Variants in BRD4 observed in about 807,000 individuals in gnomAD.
The protein encoded by BRD4 is bromodomain containing 4, also known as bromodomain-containing protein 4.
BRD4 carries 16 observed loss-of-function variants against 142.1 expected under a neutral mutation model. That is an observed-to-expected ratio of 0.11 (90% CI 0.08 to 0.17). The LOEUF is 0.17. Among genes scored for constraint, BRD4 ranks in the 10% least tolerant of loss-of-function variants. The pLI, the probability that BRD4 is intolerant of heterozygous loss-of-function variation, is 1.00. For missense variants in BRD4, 1,424 were observed against 1,810.9 expected (o/e 0.79, Z 3.88); for synonymous variants, 833 against 707.5 (o/e 1.18, Z -2.82).
chr19:15,243,182 G>A lies in BRD4; in HGVS notation c.2887C>T (p.His963Tyr). 2.8e-6 allele frequency: 3 copies of A among 1,086,876 alleles called. No homozygotes were observed. The highest frequency in any genetic ancestry group is 3.8e-6 in the Non-Finnish European group (3 of 791,570). The allele number at this position is 1,086,876 out of a possible 1,614,324, so 67.3% of individuals were successfully genotyped here. A position where few individuals can be genotyped will look rare whatever the true frequency, so the allele number is the denominator to read the frequency against. Residue 963 changes from histidine to tyrosine, a missense_variant, in exon 14 of 20, where the codon CAC (histidine) becomes TAC (tyrosine). By Grantham distance (83) the His-to-Tyr change is moderately conservative (BLOSUM62 2). Transcript: ENST00000679869. ...QPPPPLPPPP[H>Y]PSVQQQLQQQ... is the part of the protein sequence containing the mutation. ...TGCAGCTGCTGCTGCACAGAGGGGTGGGGTGGGGGCGGCAGGGGGGGTGGG... is the reference window on the plus strand; with the variant it reads ...TGCAGCTGCTGCTGCACAGAGGGGTAGGGTGGGGGCGGCAGGGGGGGTGGG...
At chr19:15,281,212 T>C (rs2145647509) in intron 1 of BRD4, among the ~76,000 whole-genome samples, 1 of 152,350 alleles carries the variant, frequency 6.6e-6, no homozygotes, top group East Asian at 1.9e-4. Context: ...GCAGTGTGTA[T>C]ACACCCTGCC....
At chr19:15,285,089 C>CTTG (rs1027824652) in intron 1 of BRD4, among the ~76,000 whole-genome samples, 9 of 152,196 alleles carry the variant, frequency 5.9e-5, no homozygotes, top group African/African-American at 2.2e-4. Context: ...ACAAGGGAGC[C>CTTG]TTGGATGCAG....
rs11878488 is a variant in BRD4, at chr19:15,293,525, T to C, written c.-34-20392A>G. On this transcript the variant is annotated intron_variant, in intron 1 of 19. Coordinates refer to ENST00000679869, the MANE Select transcript of BRD4 (RefSeq NM_001379291.1). Reference sequence around the variant, plus strand: ...CAAAAATTTAACCGCCATGGCAGAGTGTAAGAGCTTTAGCCGACTCGTGCA... The same window carrying C: ...CAAAAATTTAACCGCCATGGCAGAGCGTAAGAGCTTTAGCCGACTCGTGCA... Among the ~76,000 whole-genome samples the C allele has an allele frequency of 5.7e-3, 874 of 152,158 alleles. 8 individuals are homozygous for C. Among genetic ancestry groups the C allele is most frequent in the African/African-American group, 0.018 (767 of 41,512 alleles).
At position 15,268,940 on chromosome 19, in the gene BRD4, T is replaced by G; in HGVS notation, c.388A>C (p.Asn130His). Residue 130 changes from asparagine to histidine, a missense_variant, in exon 3 of 20, where the codon AAC becomes CAC. Coordinates refer to ENST00000679869, the MANE Select transcript of BRD4 (RefSeq NM_001379291.1). Reference protein sequence around the residue: ...WNAQECIQDFNTMFTNCYIYN... With the variant: ...WNAQECIQDFHTMFTNCYIYN... The stretch of plus-strand genomic sequence containing the variant: ...ATGTAACAATTTGTAAACATAGTGT[T>G]GAAGTCCTGGATACATTCCTGAGCA... The G allele has an allele frequency of 6.2e-7, 1 of 1,614,248 alleles. No homozygotes were observed. Among genetic ancestry groups the G allele is most frequent in the Non-Finnish European group, 8.5e-7 (1 of 1,180,044 alleles).
chr19:15,317,923 TTTC>T (rs1310892940), intron 1 of BRD4, among the ~76,000 whole-genome samples: 1 of 152,192 alleles, frequency 6.6e-6, no homozygotes, highest in Non-Finnish European at 1.5e-5. Flanking sequence ...AGCTGAATGG[TTTC>T]CTACTGTCAA....
chr19:15,290,821 T>C (rs2047776236), intron 1 of BRD4, among the ~76,000 whole-genome samples: 1 of 152,320 alleles, frequency 6.6e-6, no homozygotes, highest in East Asian at 1.9e-4. Context: ...GGCTCCCTCA[T>C]GAGTTGGTTT....
chr19:15,256,658 G>A (rs1222339755), intron 8 of BRD4, among the ~76,000 whole-genome samples: 1 of 152,160 alleles, frequency 6.6e-6, no homozygotes, highest in Non-Finnish European at 1.5e-5. Flanking sequence ...GGTAGCCCCA[G>A]GAGAGACGAA....
At chr19:15,257,997 A>C (rs2047431137) in intron 7 of BRD4, among the ~76,000 whole-genome samples, 1 of 152,180 alleles carries the variant, frequency 6.6e-6, no homozygotes, top group Non-Finnish European at 1.5e-5. Flanking sequence ...GCCAGCTGTC[A>C]AGTCCCTGCC....
At chr19:15,255,170 AAC>A (rs2047393103) in intron 10 of BRD4, 125 bp downstream of exon 10, 2 of 949,988 alleles carry the variant, frequency 2.1e-6, no homozygotes, top group African/African-American at 1.7e-5. Flanking sequence ...CTGTGTCAAG[AAC>A]ACAGATATTA....
chr19:15,247,474 G>A (rs932283146), intron 11 of BRD4: 17 of 233,042 alleles, frequency 7.3e-5, no homozygotes, highest in African/African-American at 3.7e-4. Context: ...AAGCCCCACG[G>A]GCAAGAAGGA....
rs2145502857 is a variant in BRD4 at position 15,239,934 on chromosome 19, C to T, written c.3258G>A (p.Gln1086=). The T allele has an allele frequency of 1.2e-6, 2 of 1,613,950 alleles. No homozygotes were observed. The highest frequency in any genetic ancestry group is 1.7e-6 in the Non-Finnish European group (2 of 1,179,996). ...CCTGTTTCTTAGGCTGGACGTTTTG[C>T]TGGGGTGGAGACTGGTGGGTCAGGC... ...FQSLTHQSPP[Q]QNVQPKKQEL... The change falls in exon 15 of 20, where the codon CAG becomes CAA. Residue 1086 remains glutamine (Q), a synonymous_variant. Coordinates refer to ENST00000679869, the MANE Select transcript of BRD4 (RefSeq NM_001379291.1). This position sits in a 1 kb window ranked among gnomAD's most constrained non-coding sequence, Gnocchi z 7.4.
chr19:15,239,676 G>A lies in BRD4; in HGVS notation c.3428C>T (p.Pro1143Leu), dbSNP rs759208540. ...PPKHPESIKA[P>L]VHLPQRPEMK... ...GCACTCACGCTGGGGCAGGTGGACGGGGGCCTTGATGCTCTCCGGGTGCTT... is the reference window on the plus strand; with the variant it reads ...GCACTCACGCTGGGGCAGGTGGACGAGGGCCTTGATGCTCTCCGGGTGCTT... The change falls in exon 16 of 20, where the codon CCC (proline) becomes CTC (leucine). Residue 1143 changes from proline (P) to leucine (L), a missense_variant. This residue lies in a region of BRD4 where 598 missense variants were observed against 647.8 expected (regional missense o/e 0.92). Transcript: ENST00000679869. This position sits in a 1 kb window ranked among gnomAD's most constrained non-coding sequence, Gnocchi z 7.4. 1 of 1,584,782 alleles carries A rather than the reference G, an allele frequency of 6.3e-7. No homozygotes were observed. Among genetic ancestry groups the A allele is most frequent in the East Asian group, 2.2e-5 (1 of 44,738 alleles).
intron 1 of BRD4, chr19:15,275,888 G>A (rs1457209773): frequency 6.6e-6 from 1 of 152,244 alleles, no homozygotes; most frequent in Non-Finnish European, 1.5e-5. Flanking sequence ...AGCTACTCGG[G>A]AGGCCGAGGC....
At chr19:15,278,756 C>A (rs1444040624) in intron 1 of BRD4, among the ~76,000 whole-genome samples, 1 of 151,692 alleles carries the variant, frequency 6.6e-6, no homozygotes, top group Non-Finnish European at 1.5e-5. Context: ...TGTTGTGAAC[C>A]AAGAAAATTT....
At chr19:15,295,984 T>C (rs1373232974) in intron 1 of BRD4, among the ~76,000 whole-genome samples, 2 of 149,928 alleles carry the variant, frequency 1.3e-5, no homozygotes, top group African/African-American at 4.9e-5. Context: ...AAAAAAACTG[T>C]CTTTGTTCAC....
chr19:15,298,709 G>A lies in BRD4; in HGVS notation c.-34-25576C>T, dbSNP rs868185329. ...CCTCACCCCACCCTGAAAAAGAGAT[G>A]AAAGAAATTCTATACAGCTTCCCTA... On this transcript the variant is annotated intron_variant, in intron 1 of 19. Coordinates refer to ENST00000679869, the MANE Select transcript of BRD4 (RefSeq NM_001379291.1). Among the ~76,000 whole-genome samples, 43 of 141,658 alleles carry A rather than the reference G, an allele frequency of 3.0e-4. 1 individual carries two copies. Among genetic ancestry groups the A allele is most frequent in the Middle Eastern group, 3.6e-3 (1 of 276 alleles). 92.9% of individuals were successfully genotyped at this position (141,658 alleles called of 152,430 possible). A position where few individuals can be genotyped will look rare whatever the true frequency, so the allele number is the denominator to read the frequency against.
intron 1 of BRD4, among the ~76,000 whole-genome samples, chr19:15,315,511 G>C (rs149132758): frequency 6.8e-6 from 1 of 146,136 alleles, no homozygotes; most frequent in African/African-American, 2.6e-5. Context: ...TAAGGGGATT[G>C]GGGGGGGGAA....
In BRD4 at chr19:15,239,519, G is replaced by C. The variant is rs763347965; in HGVS notation, c.3449C>G (p.Pro1150Arg). The C allele has an allele frequency of 6.2e-7, 1 of 1,611,604 alleles. No individual in the cohort carries two copies. The highest frequency in any genetic ancestry group is 8.5e-7 in the Non-Finnish European group (1 of 1,179,122). Residue 1150 changes from proline to arginine, a missense_variant, in exon 17 of 20, where the codon CCG (proline) becomes CGG (arginine). By Grantham distance (103) the Pro-to-Arg change is moderately radical. Transcript: ENST00000679869. This position sits in a 1 kb window ranked among gnomAD's most constrained non-coding sequence, Gnocchi z 7.4. ...IKAPVHLPQRPEMKPVDVGRP... is the reference protein window; with the variant it reads ...IKAPVHLPQRREMKPVDVGRP... ...CCCGACATCCACAGGCTTCATTTCC[G>C]GCCCTGGAACATAAACAGCCGGTGG...
intron 1 of BRD4, among the ~76,000 whole-genome samples, chr19:15,273,812 TTTTC>T (rs1324122592): frequency 2.7e-5 from 4 of 150,322 alleles, no homozygotes; most frequent in East Asian, 1.9e-4. Flanking sequence ...AGACCTACCA[TTTTC>T]TTTTTTTTTT....
Sources: gnomAD v4.1 joint callset for allele counts (sites outside exome capture counted in the v4.1 genomes callset) on GRCh38, gnomAD v4.1.1 for gene constraint, gnomAD v4.1.1 regional missense constraint, Gnocchi (gnomAD v3.1) non-coding constraint, MANE v1.5 for transcripts, NCBI Gene and HGNC (gene_info 2026-07-23, HGNC 2026-07-21) for gene names.